The following STAP1 variants were observed in gnomAD, a reference collection of about 807,000 sequenced individuals.
STAP1 encodes the protein signal transducing adaptor family member 1.
STAP1 carries 30 observed loss-of-function variants against 37.8 expected under a neutral mutation model. The observed-to-expected ratio is 0.79, with a 90% CI of 0.59 to 1.08. STAP1 has a LOEUF of 1.08. Ranked by LOEUF, STAP1 falls within the 50% of genes least tolerant of loss-of-function variation. The pLI is 0.00. For synonymous variants in STAP1, 130 were observed against 116.0 expected (o/e 1.12, Z -0.78); for missense variants, 357 against 349.4 (o/e 1.02, Z -0.17).
At chr4:67,604,072 G>A (rs1397693947) in intron 8 of STAP1, among the ~76,000 whole-genome samples, 4 of 152,200 alleles carry the variant, frequency 2.6e-5, no homozygotes, top group African/African-American at 9.6e-5. Flanking sequence ...ATTTCTCTCT[G>A]GCAAGAGCTG....
chr4:67,596,011 T>C (rs1577768031), intron 8 of STAP1, among the ~76,000 whole-genome samples: 1 of 152,232 alleles, frequency 6.6e-6, no homozygotes, highest in African/African-American at 2.4e-5. Flanking sequence ...TTGTTGCTGG[T>C]AAATGATATT....
At chr4:67,580,406 G>A (rs755449137) in intron 4 of STAP1, among the ~76,000 whole-genome samples, 20 of 152,086 alleles carry the variant, frequency 1.3e-4, no homozygotes, top group African/African-American at 2.2e-4. Flanking sequence ...GTACTTGTAC[G>A]CATATTAAAA....
At chr4:67,583,847 T>C in intron 6 of STAP1, 145 bp downstream of exon 6, 16 of 905,662 alleles carry the variant, frequency 1.8e-5, no homozygotes, top group Non-Finnish European at 2.4e-5. Flanking sequence ...GCCTGTAATC[T>C]CAACACTTCG....
At chr4:67,567,558 T>C (rs910109314) in intron 1 of STAP1, among the ~76,000 whole-genome samples, 2 of 152,252 alleles carry the variant, frequency 1.3e-5, no homozygotes, top group Admixed American at 1.3e-4. Context: ...TCTCTAATCT[T>C]TATTTTATGT....
intron 8 of STAP1, among the ~76,000 whole-genome samples, chr4:67,596,143 G>C (rs769224982): frequency 6.8e-5 from 10 of 146,568 alleles, no homozygotes; most frequent in South Asian, 2.1e-4. Flanking sequence ...GAGGCAATTG[G>C]ATCATGGGGC....
chr4:67,583,644 A>T lies in STAP1; in HGVS notation c.601A>T (p.Ile201Phe), dbSNP rs1306233253. ...GAAGAACCCTTCTTTGGGAAATATG[A>T]TCCTGAGGCCTGGTAGTGACAGTAG... is the stretch of plus-strand genomic sequence containing the variant. ...LQKNPSLGNM[I>F]LRPGSDSRNY... Residue 201 changes from isoleucine (I) to phenylalanine (F), a missense_variant, in exon 6 of 9, where the codon ATC (isoleucine) becomes TTC (phenylalanine). By Grantham distance (21) the Ile-to-Phe change is conservative. Coordinates refer to ENST00000265404, the MANE Select transcript of STAP1 (RefSeq NM_012108.4). 1 of 1,613,938 alleles carries T rather than the reference A, an allele frequency of 6.2e-7. No homozygotes were observed. Among genetic ancestry groups the T allele is most frequent in the Non-Finnish European group, 8.5e-7 (1 of 1,179,962 alleles).
chr4:67,604,001 T>C (rs1728398982), intron 8 of STAP1, among the ~76,000 whole-genome samples: 1 of 152,186 alleles, frequency 6.6e-6, no homozygotes, highest in Non-Finnish European at 1.5e-5. Flanking sequence ...GAACCCTAGA[T>C]CACTTTAGCC....
chr4:67,579,595 C>T (rs1727804753), intron 4 of STAP1, among the ~76,000 whole-genome samples: 1 of 152,112 alleles, frequency 6.6e-6, no homozygotes. Context: ...GGAGCTTTTA[C>T]TCATGGCAGA....
chr4:67,588,039 TAAA>T (rs3032636), intron 6 of STAP1, among the ~76,000 whole-genome samples: 35,260 of 85,340 alleles, frequency 0.41, 7,546 homozygotes, highest in South Asian at 0.52. Context: ...CACATTTTCT[TAAA>T]AAAAAAAAAA....
chr4:67,606,538 A>C lies in STAP1; in HGVS notation c.*181A>C. The C allele has an allele frequency of 1.8e-6, 1 of 557,122 alleles. No individual in the cohort carries two copies. Among genetic ancestry groups the C allele is most frequent in the African/African-American group, 2.0e-5 (1 of 51,182 alleles). 34.5% of individuals were successfully genotyped at this position (557,122 alleles called of 1,614,324 possible). ...TTCATTATCTTATCAGAATGAAACC[A>C]ATTCACAGGGAAACTAGAGACTACG... On this transcript the variant is annotated 3_prime_UTR_variant, in exon 9 of 9. Coordinates refer to ENST00000265404, the MANE Select transcript of STAP1 (RefSeq NM_012108.4).
intron 1 of STAP1, among the ~76,000 whole-genome samples, chr4:67,564,998 A>G (rs1435968242): frequency 6.6e-6 from 1 of 152,186 alleles, no homozygotes; most frequent in Non-Finnish European, 1.5e-5. Flanking sequence ...CTCCTCCTGC[A>G]CTGTTCCTCA....
intron 1 of STAP1, among the ~76,000 whole-genome samples, chr4:67,568,829 G>C (rs1253536098): frequency 6.6e-6 from 1 of 152,198 alleles, no homozygotes; most frequent in Non-Finnish European, 1.5e-5. Context: ...CTAGAAGGTA[G>C]ATATTATATG....
chr4:67,593,123 A>T, intron 7 of STAP1, 137 bp from the exon 8 acceptor site: 1 of 561,300 alleles, frequency 1.8e-6, no homozygotes, highest in Non-Finnish European at 3.1e-6. Flanking sequence ...ACACAGGGAT[A>T]GGTAAAACTA....
chr4:67,587,264 A>C (rs193278997), intron 6 of STAP1, among the ~76,000 whole-genome samples: 33 of 152,368 alleles, frequency 2.2e-4, no homozygotes, highest in Admixed American at 1.9e-3. Flanking sequence ...ATGTTCAGTC[A>C]TGCAAGTTAG....
chr4:67,599,208 G>T (rs1322519357), intron 8 of STAP1, among the ~76,000 whole-genome samples: 3 of 152,040 alleles, frequency 2.0e-5, no homozygotes. Context: ...TGTTATCAAG[G>T]TAATACTAGC....
intron 6 of STAP1, among the ~76,000 whole-genome samples, chr4:67,585,837 C>G (rs1727968059): frequency 6.6e-6 from 1 of 152,144 alleles, no homozygotes; most frequent in Non-Finnish European, 1.5e-5. Flanking sequence ...TTTCTCTTTA[C>G]TATATCCTGG....
Position 67,606,521 on chromosome 4 carries a change from C to A in STAP1, c.*164C>A. The A allele has an allele frequency of 1.6e-6, 1 of 624,924 alleles. No homozygotes were observed. The highest frequency in any genetic ancestry group is 2.6e-6 in the Non-Finnish European group (1 of 380,444). The allele number at this position is 624,924 out of a possible 1,614,324, so 38.7% of individuals were successfully genotyped here. On this transcript the variant is annotated 3_prime_UTR_variant, in exon 9 of 9. Transcript: ENST00000265404. ...ACATTGTACCATACAATTTCATTAT[C>A]TTATCAGAATGAAACCAATTCACAG...
intron 1 of STAP1, 133 bp downstream of exon 1, chr4:67,559,062 A>G: frequency 6.7e-6 from 6 of 901,108 alleles, no homozygotes; most frequent in Non-Finnish European, 9.2e-6. Flanking sequence ...TGAGCTCAGA[A>G]AAATGATTCC....
At chr4:67,578,049 A>G (rs1727765699) in intron 4 of STAP1, among the ~76,000 whole-genome samples, 1 of 152,216 alleles carries the variant, frequency 6.6e-6, no homozygotes, top group African/African-American at 2.4e-5. Context: ...GACCATAAAA[A>G]TGAAAACTCA....
Sources: gnomAD v4.1 joint callset for allele counts (sites outside exome capture counted in the v4.1 genomes callset) on GRCh38, gnomAD v4.1.1 for gene constraint, MANE v1.5 for transcripts, NCBI Gene and HGNC (gene_info 2026-07-23, HGNC 2026-07-21) for gene names.